ZNF704: variants seen among roughly 807,000 people sequenced by gnomAD.
The protein encoded by ZNF704 is glucocorticoid induced gene 1.
A neutral mutation model predicts 44.7 loss-of-function variants in ZNF704; 10 were observed. That is an observed-to-expected ratio of 0.22 (90% CI 0.14 to 0.38). ZNF704 has a LOEUF of 0.38. Ranked by LOEUF, ZNF704 falls within the 10% of genes least tolerant of loss-of-function variation. The pLI, the probability that ZNF704 is intolerant of heterozygous loss-of-function variation, is 1.00. For synonymous variants in ZNF704, 211 were observed against 207.6 expected (o/e 1.02, Z -0.14); for missense variants, 390 against 545.5 (o/e 0.71, Z 2.84).
At chr8:80,883,245 C>CAA in the ZNF704 span, among the ~76,000 whole-genome samples, 24 of 83,358 alleles carry the variant, frequency 2.9e-4, no homozygotes, top group East Asian at 1.0e-3. Flanking sequence ...GACACCCTCT[C>CAA]AAAAAAAAAA....
chr8:80,641,306 G>T lies in ZNF704; in HGVS notation c.*60C>A. ...GTAGGAAAAGCTCTTTCCAACACCT[G>T]CAGTGGCAGGCCAGGGCAGGAGCGG... On this transcript the variant is annotated 3_prime_UTR_variant, in exon 9 of 9. Transcript: ENST00000327835. 2 of 1,148,150 alleles carry T rather than the reference G, an allele frequency of 1.7e-6. No homozygotes were observed. Among genetic ancestry groups the T allele is most frequent in the Non-Finnish European group, 2.5e-6 (2 of 815,582 alleles). 71.1% of individuals were successfully genotyped at this position (1,148,150 alleles called of 1,614,324 possible).
At chr8:80,790,386 A>T (rs191494053) in intron 2 of ZNF704, among the ~76,000 whole-genome samples, 1 of 152,298 alleles carries the variant, frequency 6.6e-6, no homozygotes, top group East Asian at 1.9e-4. Context: ...AAGGGAAAAT[A>T]GGAAAAGGAT....
intron 2 of ZNF704, among the ~76,000 whole-genome samples, chr8:80,752,423 A>G (rs773580397): frequency 2.6e-5 from 4 of 152,124 alleles, no homozygotes; most frequent in Non-Finnish European, 4.4e-5. Context: ...CTGATTTATA[A>G]GCTGAGGTTT....
intron 7 of ZNF704, among the ~76,000 whole-genome samples, chr8:80,649,261 T>C (rs1202081421): frequency 1.3e-5 from 2 of 152,212 alleles, no homozygotes; most frequent in Non-Finnish European, 2.9e-5. Flanking sequence ...GGGTGATTTC[T>C]GCATTTCCAA....
chr8:80,644,970 A>T, intron 7 of ZNF704: 1 of 1,159,254 alleles, frequency 8.6e-7, no homozygotes, highest in South Asian at 1.2e-5. Flanking sequence ...GTGCCGGAAC[A>T]GCAAGATGTG....
rs572317998 is a variant in ZNF704 at position 80,742,896 on chromosome 8, G to A, written c.222-49789C>T. On this transcript the variant is annotated intron_variant, in intron 2 of 8. Transcript: ENST00000327835. ...CAAGACTAGCTGGATTTCCTAGGCC[G>A]ACTAAGAATCCCCAAGCCTAGCTGG... Among the ~76,000 whole-genome samples the A allele has an allele frequency of 5.2e-4, 79 of 152,070 alleles. 2 individuals carry two copies. The highest frequency in any genetic ancestry group is 1.4e-3 in the Admixed American group (21 of 15,268).
At chr8:80,777,112 TA>T (rs1190776700) in intron 2 of ZNF704, 2 of 152,192 alleles carry the variant, frequency 1.3e-5, no homozygotes, top group Non-Finnish European at 2.9e-5. Context: ...AGGGCAAAGT[TA>T]TTTTTTTTAA....
In ZNF704 at chr8:80,843,764, A is replaced by G. The variant is rs112677267; in HGVS notation, c.-21-22149T>C. Among the ~76,000 whole-genome samples the G allele has an allele frequency of 3.7e-3, 562 of 152,310 alleles. 2 individuals are homozygous for G. Among genetic ancestry groups the G allele is most frequent in the African/African-American group, 0.013 (543 of 41,574 alleles). Reference sequence around the variant, plus strand: ...AGAAGATAAAAATTGTAAAGCTTGAATATTTATTCCAGCCCACACATACAC... The same window carrying G: ...AGAAGATAAAAATTGTAAAGCTTGAGTATTTATTCCAGCCCACACATACAC... On this transcript the variant is annotated intron_variant, in intron 1 of 8. Transcript: ENST00000327835.
At chr8:80,694,393 A>G (rs1818691672) in intron 2 of ZNF704, 1 of 152,192 alleles carries the variant, frequency 6.6e-6, no homozygotes, top group African/African-American at 2.4e-5. Context: ...TAAAATTGAG[A>G]GGCAAAAGTT....
chr8:80,653,297 T>C (rs991169279), intron 7 of ZNF704, among the ~76,000 whole-genome samples: 15 of 152,050 alleles, frequency 9.9e-5, no homozygotes, highest in African/African-American at 3.1e-4. Flanking sequence ...CTATTCAACA[T>C]AGTGTTGGAA....
intron 2 of ZNF704, among the ~76,000 whole-genome samples, chr8:80,761,114 G>A (rs1807123237): frequency 1.3e-5 from 2 of 152,126 alleles, no homozygotes; most frequent in Non-Finnish European, 2.9e-5. Flanking sequence ...AGGGCTGCAA[G>A]GAATTACAGA....
chr8:80,848,432 G>C lies in ZNF704; in HGVS notation c.-22+26139C>G, dbSNP rs569843168. Among the ~76,000 whole-genome samples the C allele has an allele frequency of 4.2e-4, 64 of 152,284 alleles. No individual in the cohort carries two copies. The Middle Eastern group carries it at 0.017, about 40-fold the overall frequency. On this transcript the variant is annotated intron_variant, in intron 1 of 8. Transcript: ENST00000327835. ...GGGCTGTATCAATGTCGATTTCCTG[G>C]TGGTGATATATTATGGTTACACAAG...
intron 2 of ZNF704, among the ~76,000 whole-genome samples, chr8:80,741,841 T>C (rs748215318): frequency 2.6e-5 from 4 of 152,170 alleles, no homozygotes; most frequent in Non-Finnish European, 4.4e-5. Context: ...AAGTGGAGTA[T>C]GCAGTGGTCA....
chr8:80,708,531 T>C (rs1035563009), intron 2 of ZNF704, among the ~76,000 whole-genome samples: 1 of 152,252 alleles, frequency 6.6e-6, no homozygotes, highest in Non-Finnish European at 1.5e-5. Flanking sequence ...ACAATACACG[T>C]GGCTTCTAAG....
intron 2 of ZNF704, among the ~76,000 whole-genome samples, chr8:80,713,611 T>C (rs7818514): frequency 0.042 from 6,373 of 152,292 alleles, 460 homozygotes; most frequent in African/African-American, 0.14. Flanking sequence ...ACCTGCCGTA[T>C]GGAGGAAGCA....
intron 2 of ZNF704, among the ~76,000 whole-genome samples, chr8:80,777,592 C>T (rs1390416285): frequency 6.6e-6 from 1 of 151,928 alleles, no homozygotes; most frequent in Non-Finnish European, 1.5e-5. Context: ...TGAAAGTAAC[C>T]CATGGGCCAG....
intron 1 of ZNF704, among the ~76,000 whole-genome samples, chr8:80,832,596 TAAC>T (rs1190352351): frequency 6.6e-6 from 1 of 152,188 alleles, no homozygotes; most frequent in East Asian, 1.9e-4. Context: ...CTCCGGAGAT[TAAC>T]AACATTTCCA....
intron 4 of ZNF704, among the ~76,000 whole-genome samples, chr8:80,682,163 G>A (rs1169701730): frequency 6.6e-6 from 1 of 152,216 alleles, no homozygotes; most frequent in East Asian, 1.9e-4. Flanking sequence ...CTGGCAACAT[G>A]CTTATTCGTG....
chr8:80,710,147 C>T (rs1481418116), intron 2 of ZNF704, among the ~76,000 whole-genome samples: 2 of 152,164 alleles, frequency 1.3e-5, no homozygotes, highest in Non-Finnish European at 2.9e-5. Flanking sequence ...CTTCCTACCT[C>T]CTATCTTCCA....
Sources: gnomAD v4.1 joint callset for allele counts (sites outside exome capture counted in the v4.1 genomes callset) on GRCh38, gnomAD v4.1.1 for gene constraint, MANE v1.5 for transcripts, NCBI Gene and HGNC (gene_info 2026-07-23, HGNC 2026-07-21) for gene names.